The following STPG4 variants were observed in gnomAD, a reference collection of about 807,000 sequenced individuals.
The protein encoded by STPG4 is sperm-tail PG-rich repeat containing 4.
In STPG4, 41 loss-of-function variants were observed where a neutral mutation model predicts 31.5. The ratio of observed to expected loss-of-function variants is 1.30; its 90% CI spans 1.01 to 1.69. The LOEUF is 1.69. Ranked by LOEUF, STPG4 falls within the 40% of genes most tolerant of loss-of-function variation. The pLI is 0.00. For missense variants in STPG4, 375 were observed against 293.4 expected, an observed-to-expected ratio of 1.28 and a Z score of -2.03; for synonymous variants, 141 against 103.0, an observed-to-expected ratio of 1.37 and a Z score of -2.24.
intron 5 of STPG4, among the ~76,000 whole-genome samples, chr2:47,126,929 C>A (rs1441444126): frequency 6.6e-6 from 1 of 151,876 alleles, no homozygotes; most frequent in African/African-American, 2.4e-5. Context: ...TCCTCTTGTG[C>A]TTTAGGATCC....
intron 5 of STPG4, among the ~76,000 whole-genome samples, chr2:47,107,015 G>A (rs1488896620): frequency 2.0e-5 from 3 of 151,878 alleles, no homozygotes; most frequent in African/African-American, 4.9e-5. Context: ...CCCCTTCATC[G>A]CCCCTCTCCA....
At chr2:47,122,686 ATT>A (rs5830942) in intron 5 of STPG4, among the ~76,000 whole-genome samples, 6 of 150,272 alleles carry the variant, frequency 4.0e-5, no homozygotes, top group Admixed American at 6.6e-5. Flanking sequence ...AGTTTTCTCA[ATT>A]TTTTTTTTTG....
chr2:47,145,273 A>T (rs1350536079), intron 3 of STPG4, among the ~76,000 whole-genome samples: 1 of 152,180 alleles, frequency 6.6e-6, no homozygotes, highest in Non-Finnish European at 1.5e-5. Context: ...AGTCTAATGG[A>T]AGATACCCAC....
At chr2:47,126,485 C>T (rs1316764913) in intron 5 of STPG4, among the ~76,000 whole-genome samples, 1 of 151,968 alleles carries the variant, frequency 6.6e-6, no homozygotes. Context: ...TGCCATCATG[C>T]CCAGGTAATT....
intron 5 of STPG4, among the ~76,000 whole-genome samples, chr2:47,102,073 T>A (rs1009708720): frequency 6.6e-6 from 1 of 151,866 alleles, no homozygotes; most frequent in Admixed American, 6.6e-5. Context: ...TGGTCCTCCA[T>A]GTGGTCTGGG....
At chr2:47,130,543 T>C (rs957347148) in intron 3 of STPG4, among the ~76,000 whole-genome samples, 12 of 152,070 alleles carry the variant, frequency 7.9e-5, no homozygotes, top group Non-Finnish European at 7.4e-5. Context: ...TGAGATGGAG[T>C]CTCGCTCTGT....
At chr2:47,120,395 G>A (rs1429292085) in intron 5 of STPG4, among the ~76,000 whole-genome samples, 1 of 152,012 alleles carries the variant, frequency 6.6e-6, no homozygotes, top group East Asian at 1.9e-4. Flanking sequence ...TCTGGCTTGT[G>A]GGTGTGACTT....
chr2:47,115,474 C>T (rs1307343453), intron 5 of STPG4, among the ~76,000 whole-genome samples: 1 of 152,062 alleles, frequency 6.6e-6, no homozygotes, highest in Non-Finnish European at 1.5e-5. Flanking sequence ...TTTCACAATT[C>T]ATTGTTAGTT....
At chr2:47,087,161 G>A (rs1359906835) in intron 6 of STPG4, 31 bp from the exon 7 acceptor site, 1 of 1,549,770 alleles carries the variant, frequency 6.5e-7, no homozygotes, top group Admixed American at 2.0e-5. Context: ...AGGGACTGAT[G>A]AGACAGTGAA....
In STPG4 at chr2:47,155,184, A is replaced by G; in HGVS notation, c.68T>C (p.Phe23Ser). The G allele has an allele frequency of 1.9e-6, 3 of 1,614,092 alleles. No individual in the cohort carries two copies. Among genetic ancestry groups the G allele is most frequent in the Non-Finnish European group, 2.5e-6 (3 of 1,179,994 alleles). Residue 23 changes from phenylalanine (F) to serine (S), a missense_variant, in exon 1 of 7, where the codon TTC (phenylalanine) becomes TCC (serine). Coordinates refer to ENST00000445927, the MANE Select transcript of STPG4 (RefSeq NM_001163561.2). ...IREDLVGGES[F>S]ITASKPAQKT... ...AGGCCATCTTACCGAAGCTGTGATGAATGATTCTCCACCCACCAGGTCTTC... is the reference window on the plus strand; with the variant it reads ...AGGCCATCTTACCGAAGCTGTGATGGATGATTCTCCACCCACCAGGTCTTC...
chr2:47,118,525 C>T (rs1243624646), intron 5 of STPG4, among the ~76,000 whole-genome samples: 2 of 152,112 alleles, frequency 1.3e-5, no homozygotes, highest in Admixed American at 1.3e-4. Flanking sequence ...ATCCCGAAAC[C>T]ATTCCCCACT....
intron 5 of STPG4, among the ~76,000 whole-genome samples, chr2:47,101,937 G>C (rs1322501022): frequency 1.3e-5 from 2 of 151,752 alleles, no homozygotes; most frequent in African/African-American, 4.9e-5. Context: ...AGGTTTTCGA[G>C]AATGTGTCGG....
intron 5 of STPG4, among the ~76,000 whole-genome samples, chr2:47,118,980 A>G (rs1433225366): frequency 6.6e-6 from 1 of 152,232 alleles, no homozygotes; most frequent in African/African-American, 2.4e-5. Context: ...AAATCAACCA[A>G]ATGAGTTTTC....
chr2:47,151,356 G>A lies in STPG4; in HGVS notation c.301C>T (p.Pro101Ser). ...PVLNDLPQYM[P>S]PDFLDLLKKQ... is the part of the protein sequence containing the mutation. Reference sequence around the variant, plus strand: ...TTTAACAGGTCCAGGAAGTCAGGAGGCATATACTGCGGAAGATCATTTAGG... The same window carrying A: ...TTTAACAGGTCCAGGAAGTCAGGAGACATATACTGCGGAAGATCATTTAGG... The change falls in exon 3 of 7, where the codon CCT (proline) becomes TCT (serine). Residue 101 changes from proline to serine, a missense_variant. Physicochemically the swap from Pro to Ser is moderately conservative, Grantham distance 74. Transcript: ENST00000445927. 6.2e-7 allele frequency: 1 copy of A among 1,614,170 alleles called. No individual in the cohort carries two copies. Among genetic ancestry groups the A allele is most frequent in the Non-Finnish European group, 8.5e-7 (1 of 1,180,010 alleles).
intron 5 of STPG4, among the ~76,000 whole-genome samples, chr2:47,119,431 A>G (rs1160929066): frequency 6.6e-6 from 1 of 152,194 alleles, no homozygotes; most frequent in Non-Finnish European, 1.5e-5. Flanking sequence ...AATGGTCACA[A>G]TCAACTACCT....
At chr2:47,099,328 C>A (rs1467578891) in intron 5 of STPG4, among the ~76,000 whole-genome samples, 1 of 152,214 alleles carries the variant, frequency 6.6e-6, no homozygotes, top group South Asian at 2.1e-4. Context: ...TGCCCTGAAC[C>A]CTCTCCTCCC....
intron 5 of STPG4, among the ~76,000 whole-genome samples, chr2:47,105,030 C>T (rs1272729170): frequency 6.6e-6 from 1 of 151,940 alleles, no homozygotes; most frequent in Non-Finnish European, 1.5e-5. Flanking sequence ...ATACTCCAAT[C>T]AAGGAAACCC....
At chr2:47,102,772 G>T (rs1183267177) in intron 5 of STPG4, among the ~76,000 whole-genome samples, 1 of 151,814 alleles carries the variant, frequency 6.6e-6, no homozygotes, top group Non-Finnish European at 1.5e-5. Flanking sequence ...AGCTGTAGGG[G>T]GAGGGGAATT....
chr2:47,120,530 G>A (rs1366123514), intron 5 of STPG4, among the ~76,000 whole-genome samples: 5 of 151,524 alleles, frequency 3.3e-5, no homozygotes, highest in African/African-American at 9.7e-5. Flanking sequence ...TCACGCCACT[G>A]CACTCCAGCC....
Sources: allele counts gnomAD v4.1 joint callset (sites outside exome capture counted in the v4.1 genomes callset), GRCh38; gene constraint gnomAD v4.1.1; transcripts MANE v1.5; gene names NCBI Gene and HGNC (gene_info 2026-07-23, HGNC 2026-07-21).